PIK3CB: variants seen among roughly 807,000 people sequenced by gnomAD.
PIK3CB encodes phosphatidylinositol-4,5-bisphosphate 3-kinase catalytic subunit beta, also known as phosphatidylinositol 4,5-bisphosphate 3-kinase catalytic subunit beta isoform.
A neutral mutation model predicts 136.8 loss-of-function variants in PIK3CB; 39 were observed. The ratio of observed to expected loss-of-function variants is 0.29; its 90% CI spans 0.22 to 0.37. PIK3CB has a LOEUF of 0.37. PIK3CB is among the 10% of genes least tolerant of loss of function. The pLI is 1.00. For missense variants in PIK3CB, 868 were observed against 1,275.4 expected, an observed-to-expected ratio of 0.68 and a Z score of 4.87; for synonymous variants, 428 against 436.6, an observed-to-expected ratio of 0.98 and a Z score of 0.25.
chr3:138,708,732 C>T (rs192762605), intron 10 of PIK3CB, among the ~76,000 whole-genome samples: 6 of 152,046 alleles, frequency 3.9e-5, no homozygotes, highest in Non-Finnish European at 5.9e-5. Flanking sequence ...CACACACACA[C>T]CACTGCACCT....
At chr3:138,693,692 A>AC (rs1359653351) in intron 14 of PIK3CB, among the ~76,000 whole-genome samples, 2 of 152,034 alleles carry the variant, frequency 1.3e-5, no homozygotes, top group East Asian at 3.9e-4. Flanking sequence ...AAGCCACCAC[A>AC]CCCAGCCATC....
At chr3:138,679,190 G>A (rs1412419245) in intron 19 of PIK3CB, among the ~76,000 whole-genome samples, 7 of 152,120 alleles carry the variant, frequency 4.6e-5, no homozygotes, top group African/African-American at 1.4e-4. Flanking sequence ...ACATACCTAC[G>A]AAGTGACAAA....
chr3:138,667,521 AAATTG>A (rs1286352378), intron 19 of PIK3CB, among the ~76,000 whole-genome samples: 1 of 151,812 alleles, frequency 6.6e-6, no homozygotes, highest in Admixed American at 6.6e-5. Context: ...TCCTTCAAAA[AAATTG>A]AATTATTTTA....
At chr3:138,776,402 A>T (rs2045858872) in intron 2 of PIK3CB, among the ~76,000 whole-genome samples, 2 of 152,158 alleles carry the variant, frequency 1.3e-5, no homozygotes, top group South Asian at 4.1e-4. Flanking sequence ...AGCTTTAAGA[A>T]TCTAAGGCCG....
At chr3:138,681,270 T>A (rs958219110) in intron 19 of PIK3CB, among the ~76,000 whole-genome samples, 1 of 152,106 alleles carries the variant, frequency 6.6e-6, no homozygotes, top group African/African-American at 2.4e-5. Context: ...GGTCTCAAAC[T>A]CCTGACCTCA....
chr3:138,733,441 G>T lies in PIK3CB; in HGVS notation c.973-3C>A. The T allele has an allele frequency of 7.1e-7, 1 of 1,417,232 alleles. No individual in the cohort carries two copies. Among genetic ancestry groups the T allele is most frequent in the Non-Finnish European group, 9.9e-7 (1 of 1,007,558 alleles). The allele number at this position is 1,417,232 out of a possible 1,614,324, so 87.8% of individuals were successfully genotyped here. A position where few individuals can be genotyped will look rare whatever the true frequency, so the allele number is the denominator to read the frequency against. On this transcript the variant is annotated splice_region_variant and splice_polypyrimidine_tract_variant and intron_variant, in intron 7 of 23. Coordinates refer to ENST00000674063, the MANE Select transcript of PIK3CB (RefSeq NM_006219.3). ...GGGTTGTTATTTTCCCAAACATGCT[G>T]TAAAAGAATAAAATAAATACAAATT...
At chr3:138,785,381 G>A (rs2045970359) in intron 2 of PIK3CB, among the ~76,000 whole-genome samples, 1 of 152,196 alleles carries the variant, frequency 6.6e-6, no homozygotes, top group South Asian at 2.1e-4. Flanking sequence ...AATAGAAAAG[G>A]GGGAAATGTG....
At chr3:138,688,483 A>T (rs567507075) in intron 16 of PIK3CB, among the ~76,000 whole-genome samples, 1 of 131,568 alleles carries the variant, frequency 7.6e-6, no homozygotes, top group South Asian at 2.7e-4. Context: ...CCTGGGCAAC[A>T]GAGCGAGACT....
intron 19 of PIK3CB, among the ~76,000 whole-genome samples, chr3:138,674,174 C>T (rs1184298308): frequency 6.6e-6 from 1 of 151,664 alleles, no homozygotes; most frequent in East Asian, 1.9e-4. Context: ...ATCTAGAAGG[C>T]CGTGTGCATG....
intron 21 of PIK3CB, among the ~76,000 whole-genome samples, chr3:138,658,648 T>C (rs912515212): frequency 2.6e-5 from 4 of 152,166 alleles, no homozygotes; most frequent in Non-Finnish European, 2.9e-5. Context: ...AAGATAAAGA[T>C]TTAGTACTTT....
At chr3:138,722,992 A>T (rs1251007472) in intron 8 of PIK3CB, among the ~76,000 whole-genome samples, 2 of 152,050 alleles carry the variant, frequency 1.3e-5, no homozygotes, top group East Asian at 1.9e-4. Flanking sequence ...AAAGTTGACA[A>T]ATCGTTAAAA....
intron 2 of PIK3CB, chr3:138,770,377 T>A (rs1170334237): frequency 6.6e-6 from 1 of 152,098 alleles, no homozygotes; most frequent in African/African-American, 2.4e-5. Flanking sequence ...GTTCTATAGG[T>A]GAACAAATTC....
intron 1 of PIK3CB, among the ~76,000 whole-genome samples, chr3:138,824,238 T>C (rs558684043): frequency 1.4e-4 from 21 of 152,304 alleles, no homozygotes; most frequent in African/African-American, 5.1e-4. Context: ...CAGGATCGCA[T>C]TTCCCTTGAG....
intron 2 of PIK3CB, among the ~76,000 whole-genome samples, chr3:138,767,935 G>C (rs184303875): frequency 2.4e-4 from 36 of 152,334 alleles, no homozygotes; most frequent in African/African-American, 8.2e-4. Flanking sequence ...GCAATGCGAT[G>C]AACAAAGGTC....
At chr3:138,738,974 T>G (rs1265822498) in intron 5 of PIK3CB, among the ~76,000 whole-genome samples, 1 of 152,216 alleles carries the variant, frequency 6.6e-6, no homozygotes, top group East Asian at 1.9e-4. Context: ...ATTTTACTTG[T>G]TCTTCTGTGT....
At chr3:138,688,369 C>T (rs945696019) in intron 16 of PIK3CB, among the ~76,000 whole-genome samples, 9 of 151,724 alleles carry the variant, frequency 5.9e-5, no homozygotes, top group East Asian at 1.9e-4. Context: ...GGCATGGTGG[C>T]GCATGCCTGT....
At chr3:138,704,722 A>C (rs1485038889) in intron 11 of PIK3CB, among the ~76,000 whole-genome samples, 1 of 152,136 alleles carries the variant, frequency 6.6e-6, no homozygotes, top group Non-Finnish European at 1.5e-5. Context: ...AAGCACTAAA[A>C]TTGTCTGGAG....
intron 1 of PIK3CB, among the ~76,000 whole-genome samples, chr3:138,831,634 T>G (rs1934041194): frequency 7.6e-6 from 1 of 132,424 alleles, no homozygotes; most frequent in Admixed American, 7.7e-5. Context: ...AATAAATAAT[T>G]TATTTATTGG....
At chr3:138,755,708 A>T (rs767468831) in intron 4 of PIK3CB, 46 bp downstream of exon 4, 1 of 860,540 alleles carries the variant, frequency 1.2e-6, no homozygotes, top group South Asian at 1.6e-5. Flanking sequence ...GTTTATATAA[A>T]TAGATATATT....
Sources: allele counts gnomAD v4.1 joint callset (sites outside exome capture counted in the v4.1 genomes callset), GRCh38; gene constraint gnomAD v4.1.1; transcripts MANE v1.5; gene names NCBI Gene and HGNC (gene_info 2026-07-23, HGNC 2026-07-21).